Variants in SOX3 observed in about 807,000 individuals in gnomAD.
SOX3 encodes transcription factor SOX-3.
Under a neutral mutation model 4.6 loss-of-function variants are expected in SOX3, and 2 were observed. The ratio of observed to expected loss-of-function variants is 0.43; its 90% CI spans 0.18 to 1.36. The LOEUF is 1.36. Among genes scored for constraint, SOX3 ranks in the 40% most tolerant of loss-of-function variants. The pLI is 0.28. For synonymous variants in SOX3, 244 were observed against 215.9 expected (o/e 1.13, Z -1.14); for missense variants, 326 against 441.9 (o/e 0.74, Z 2.35).
Position 140,503,672 on chromosome X carries a change from AGTGGGGGTGGGG to A in SOX3, c.*36_*47del, listed in dbSNP as rs1569512242. 2 of 503,410 alleles carry A rather than the reference AGTGGGGGTGGGG, an allele frequency of 4.0e-6. No individual in the cohort carries two copies. The highest frequency in any genetic ancestry group is 5.0e-6 in the Non-Finnish European group (2 of 396,231). 41.5% of individuals were successfully genotyped at this position (503,410 alleles called of 1,213,427 possible). On this transcript the variant is annotated 3_prime_UTR_variant, in exon 1 of 1. Transcript: ENST00000370536. ...TCCCAACTTGGGGGTGCGGGGCGGGAGTGGGGGTGGGGGTGGGGAACAAGGGTGGACGAGCGC... is the reference window on the plus strand; with the variant it reads ...TCCCAACTTGGGGGTGCGGGGCGGGAGTGGGGAACAAGGGTGGACGAGCGC...
rs1927311169 is a variant in SOX3, at chrX:140,504,030, G to A, written c.1031C>T (p.Ala344Val). 1.0e-6 allele frequency: 1 copy of A among 966,284 alleles called. No individual in the cohort carries two copies. Among genetic ancestry groups the A allele is most frequent in the Non-Finnish European group, 1.3e-6 (1 of 774,167 alleles). 79.6% of individuals were successfully genotyped at this position (966,284 alleles called of 1,213,427 possible). A position where few individuals can be genotyped will look rare whatever the true frequency, so the allele number is the denominator to read the frequency against. Residue 344 changes from alanine to valine, a missense_variant, in exon 1 of 1, where the codon GCG (alanine) becomes GTG (valine). Transcript: ENST00000370536. The part of the protein sequence containing the change: ...GGMAPSATAA[A>V]AAAYGQQPAT... ...GGGCTGCTGCCCGTAGGCGGCGGCC[G>A]CGGCTGCTGTGGCTGAGGGCGCCAT...
chrX:140,504,881 C>T lies in SOX3; in HGVS notation c.180G>A (p.Ala60=), dbSNP rs2148334848. The change falls in exon 1 of 1, where the codon GCG becomes GCA. Residue 60 remains alanine (A), a synonymous_variant. Transcript: ENST00000370536. The part of the protein sequence containing the change: ...LFTVAAPAPG[A]PSPPATLAHL... The stretch of plus-strand genomic sequence containing the variant: ...GCGCCAGCGTGGCGGGAGGAGAAGG[C>T]GCTCCCGGGGCTGGAGCGGCCACGG... 8.5e-7 allele frequency: 1 copy of T among 1,171,606 alleles called. No homozygotes were observed.
Position 140,504,718 on chromosome X carries a change from C to A in SOX3, c.343G>T (p.Gly115Cys), listed in dbSNP as rs1927341343. 5 of 1,197,062 alleles carry A rather than the reference C, an allele frequency of 4.2e-6. No individual in the cohort carries two copies. In the South Asian group the frequency reaches 9.1e-5, roughly 22 times the overall value. Residue 115 changes from glycine to cysteine, a missense_variant, in exon 1 of 1, where the codon GGC (glycine) becomes TGC (cysteine). This residue lies in a region of SOX3 where 64 missense variants were observed against 83.8 expected (regional missense o/e 0.76). Transcript: ENST00000370536. ...CTGCCGCCGCCCGAGTTCGCGCCGC[C>A]GGCTGCGTTCGCACTACTCTTGCCT... The part of the protein sequence containing the change: ...GAGKSSANAA[G>C]GANSGGGSSG...
chrX:140,504,638 C>A lies in SOX3; in HGVS notation c.423G>T (p.Arg141=), dbSNP rs373594440. ...GGGTDQDRVK[R]PMNAFMVWSR... is the part of the protein sequence containing the mutation. ...ACCATACCATGAAGGCGTTCATGGG[C>A]CGTTTCACACGGTCCTGGTCTGTAC... is the stretch of plus-strand genomic sequence containing the variant. Residue 141 remains arginine (R), a synonymous_variant, in exon 1 of 1, where the codon CGG becomes CGT. Coordinates refer to ENST00000370536, the MANE Select transcript of SOX3 (RefSeq NM_005634.3). The A allele has an allele frequency of 8.3e-7, 1 of 1,211,901 alleles. No individual in the cohort carries two copies. The highest frequency in any genetic ancestry group is 2.2e-5 in the Admixed American group (1 of 46,137).
At position 140,504,198 on chromosome X, in the gene SOX3, C is replaced by T. The variant is rs1256052236; in HGVS notation, c.863G>A (p.Ser288Asn). ...QLGYAQPPSM[S>N]SPPPPPALPP... ...CAGCGCGGGCGGCGGCGGCGGGCTG[C>T]TCATGCTCGGGGGCTGCGCGTAGCC... Residue 288 changes from serine (S) to asparagine (N), a missense_variant, in exon 1 of 1, where the codon AGC (serine) becomes AAC (asparagine). By Grantham distance (46) the Ser-to-Asn change is conservative. Around this residue, in one of 6 missense-constraint regions of SOX3, gnomAD observed 78 missense variants for 70.3 expected, o/e 1.11. Transcript: ENST00000370536. 2.1e-5 allele frequency: 23 copies of T among 1,093,897 alleles called. No homozygotes were observed. The highest frequency in any genetic ancestry group is 2.7e-5 in the Non-Finnish European group (23 of 842,965). The allele number at this position is 1,093,897 out of a possible 1,213,427, so 90.1% of individuals were successfully genotyped here. A position where few individuals can be genotyped will look rare whatever the true frequency, so the allele number is the denominator to read the frequency against.
Position 140,504,937 on chromosome X carries a change from A to G in SOX3, c.124T>C (p.Ser42Pro). ...AGGCCCTGGGACTCCGTCGGAGCGG[A>G]GCTTGGGGGCCTGTGGGCCAGCGAG... ...PDSLAHRPPSSAPTESQGLFT... is the reference protein window; with the variant it reads ...PDSLAHRPPSPAPTESQGLFT... Residue 42 changes from serine to proline, a missense_variant, in exon 1 of 1, where the codon TCC becomes CCC. Physicochemically the swap from Ser to Pro is moderately conservative, Grantham distance 74 (BLOSUM62 -1). Transcript: ENST00000370536. The G allele has an allele frequency of 8.3e-7, 1 of 1,201,302 alleles. No individual in the cohort carries two copies. The highest frequency in any genetic ancestry group is 1.1e-6 in the Non-Finnish European group (1 of 890,813).
Position 140,504,086 on chromosome X carries a change from G to C in SOX3, c.975C>G (p.Ala325=). ...CGTAGCCCGAGGCGGCGGCGGCCGC[G>C]GCAGCGACGTTCATGTAGCTCTGAG... The part of the protein sequence containing the change: ...PGAQSYMNVA[A]AAAAASGYGG... The change falls in exon 1 of 1, where the codon GCC becomes GCG. Residue 325 remains alanine (A), a synonymous_variant. Coordinates refer to ENST00000370536, the MANE Select transcript of SOX3 (RefSeq NM_005634.3). The C allele has an allele frequency of 1.0e-6, 1 of 1,002,097 alleles. No homozygotes were observed. The highest frequency in any genetic ancestry group is 1.3e-6 in the Non-Finnish European group (1 of 792,604). 82.6% of individuals were successfully genotyped at this position (1,002,097 alleles called of 1,213,427 possible).
Position 140,503,774 on chromosome X carries a change from G to C in SOX3, c.1287C>G (p.His429Gln), listed in dbSNP as rs986377585. 1.9e-5 allele frequency: 22 copies of C among 1,171,837 alleles called. No homozygotes were observed. The highest frequency in any genetic ancestry group is 2.5e-5 in the Non-Finnish European group (22 of 880,907). Residue 429 changes from histidine (H) to glutamine (Q), a missense_variant, in exon 1 of 1, where the codon CAC becomes CAG. Physicochemically the swap from His to Gln is conservative, Grantham distance 24 (BLOSUM62 0). Transcript: ENST00000370536. Reference sequence around the variant, plus strand: ...TGACTGCAGTCCCGGCGCCCTGGTAGTGCTGGTGCACGCCGTGCAGGCGAC... The same window carrying C: ...TGACTGCAGTCCCGGCGCCCTGGTACTGCTGGTGCACGCCGTGCAGGCGAC... ...PGGRLHGVHQHYQGAGTAVNG... is the reference protein window; with the variant it reads ...PGGRLHGVHQQYQGAGTAVNG...
rs748467720 is a variant in SOX3 at position 140,504,323 on chromosome X, AGCGGCTGCGGCCGCGGCAGCG to A, written c.717_737del (p.Ala242_Ala248del). The A allele has an allele frequency of 2.8e-4, 292 of 1,045,128 alleles. 5 individuals carry two copies. The highest frequency in any genetic ancestry group is 7.2e-4 in the East Asian group (18 of 25,043). The allele number at this position is 1,045,128 out of a possible 1,213,427, so 86.1% of individuals were successfully genotyped here. A position where few individuals can be genotyped will look rare whatever the true frequency, so the allele number is the denominator to read the frequency against. ...CCACGCCCACCGGACTGCTGGCGGC[AGCGGCTGCGGCCGCGGCAGCG>A]GCGGCGGCGGCCGCGGCACCGGGAG... On this transcript the variant is annotated inframe_deletion, in exon 1 of 1. Coordinates refer to ENST00000370536, the MANE Select transcript of SOX3 (RefSeq NM_005634.3).
At position 140,504,171 on chromosome X, in the gene SOX3, G is replaced by T; in HGVS notation, c.890C>A (p.Pro297Gln). ...MSSPPPPPAL[P>Q]PMHRYDMAGL... ...GGCCATGTCGTAGCGGTGCATCGGCGGCAGCGCGGGCGGCGGCGGCGGGCT... is the reference window on the plus strand; with the variant it reads ...GGCCATGTCGTAGCGGTGCATCGGCTGCAGCGCGGGCGGCGGCGGCGGGCT... The change falls in exon 1 of 1, where the codon CCG becomes CAG. Residue 297 changes from proline to glutamine, a missense_variant. Coordinates refer to ENST00000370536, the MANE Select transcript of SOX3 (RefSeq NM_005634.3). 9.3e-7 allele frequency: 1 copy of T among 1,073,025 alleles called. No individual in the cohort carries two copies. Among genetic ancestry groups the T allele is most frequent in the Middle Eastern group, 2.6e-4 (1 of 3,891 alleles). The allele number at this position is 1,073,025 out of a possible 1,213,427, so 88.4% of individuals were successfully genotyped here.
chrX:140,504,167 C>G lies in SOX3; in HGVS notation c.894G>C (p.Pro298=). ...GGCCGGCCATGTCGTAGCGGTGCAT[C>G]GGCGGCAGCGCGGGCGGCGGCGGCG... The part of the protein sequence containing the change: ...SSPPPPPALP[P]MHRYDMAGLQ... Residue 298 remains proline (P), a synonymous_variant, in exon 1 of 1, where the codon CCG becomes CCC. Transcript: ENST00000370536. The G allele has an allele frequency of 1.9e-6, 2 of 1,074,218 alleles. No homozygotes were observed. Among genetic ancestry groups the G allele is most frequent in the Non-Finnish European group, 2.4e-6 (2 of 831,330 alleles). The allele number at this position is 1,074,218 out of a possible 1,213,427, so 88.5% of individuals were successfully genotyped here.
In SOX3 at chrX:140,504,927, G is replaced by A. The variant is rs1481053334; in HGVS notation, c.134C>T (p.Thr45Met). 5.9e-6 allele frequency: 7 copies of A among 1,195,379 alleles called. No homozygotes were observed. Among genetic ancestry groups the A allele is most frequent in the Non-Finnish European group, 7.9e-6 (7 of 888,174 alleles). ...LAHRPPSSAP[T>M]ESQGLFTVAA... Reference sequence around the variant, plus strand: ...CACGGTGAAAAGGCCCTGGGACTCCGTCGGAGCGGAGCTTGGGGGCCTGTG... The same window carrying A: ...CACGGTGAAAAGGCCCTGGGACTCCATCGGAGCGGAGCTTGGGGGCCTGTG... The change falls in exon 1 of 1, where the codon ACG becomes ATG. Residue 45 changes from threonine (T) to methionine (M), a missense_variant. This residue lies in a region of SOX3 where 56 missense variants were observed against 43.3 expected (regional missense o/e 1.29). Coordinates refer to ENST00000370536, the MANE Select transcript of SOX3 (RefSeq NM_005634.3).
chrX:140,504,051 G>A lies in SOX3; in HGVS notation c.1010C>T (p.Ala337Val). 1.0e-6 allele frequency: 1 copy of A among 969,094 alleles called. No homozygotes were observed. The highest frequency in any genetic ancestry group is 1.3e-6 in the Non-Finnish European group (1 of 775,378). The allele number at this position is 969,094 out of a possible 1,213,427, so 79.9% of individuals were successfully genotyped here. Residue 337 changes from alanine to valine, a missense_variant, in exon 1 of 1, where the codon GCG (alanine) becomes GTG (valine). Physicochemically the swap from Ala to Val is moderately conservative, Grantham distance 64. This residue lies in a region of SOX3 where 78 missense variants were observed against 70.3 expected (regional missense o/e 1.11). Coordinates refer to ENST00000370536, the MANE Select transcript of SOX3 (RefSeq NM_005634.3). ...AAAASGYGGM[A>V]PSATAAAAAA... The stretch of plus-strand genomic sequence containing the variant: ...GGCCGCGGCTGCTGTGGCTGAGGGC[G>A]CCATGCCCCCGTAGCCCGAGGCGGC...
chrX:140,505,055 T>C lies in SOX3; in HGVS notation c.6A>G (p.Arg2=). The C allele has an allele frequency of 8.3e-7, 1 of 1,204,620 alleles. No individual in the cohort carries two copies. The highest frequency in any genetic ancestry group is 1.1e-6 in the Non-Finnish European group (1 of 892,403). ...CACCTGATGAGTTCTCTCGAACAGG[T>C]CGCATTCACAGTCTGCCTGGGCTCT... M[R]PVRENSSGAR... The change falls in exon 1 of 1, where the codon CGA becomes CGG. Residue 2 remains arginine (R), a synonymous_variant. Coordinates refer to ENST00000370536, the MANE Select transcript of SOX3 (RefSeq NM_005634.3).
chrX:140,503,355 T>C lies in SOX3; in HGVS notation c.*365A>G. The C allele has an allele frequency of 6.7e-6, 1 of 149,058 alleles. No homozygotes were observed. Among genetic ancestry groups the C allele is most frequent in the South Asian group, 2.6e-4 (1 of 3,856 alleles). 12.3% of individuals were successfully genotyped at this position (149,058 alleles called of 1,213,427 possible). On this transcript the variant is annotated 3_prime_UTR_variant, in exon 1 of 1. Coordinates refer to ENST00000370536, the MANE Select transcript of SOX3 (RefSeq NM_005634.3). ...ATACTATGTTTCTCCCATTCACTCC[T>C]TGGCTAACTGCAAACTAACAAGACA...
Position 140,504,538 on chromosome X carries a change from C to T in SOX3, c.523G>A (p.Ala175Thr), listed in dbSNP as rs1374307659. The T allele has an allele frequency of 1.6e-6, 2 of 1,212,174 alleles. No homozygotes were observed. The change falls in exon 1 of 1, where the codon GCC becomes ACC. Residue 175 changes from alanine (A) to threonine (T), a missense_variant. Ala to Thr is a moderately conservative substitution (Grantham distance 58). Coordinates refer to ENST00000370536, the MANE Select transcript of SOX3 (RefSeq NM_005634.3). ...HNSEISKRLGADWKLLTDAEK... is the reference protein window; with the variant it reads ...HNSEISKRLGTDWKLLTDAEK... Reference sequence around the variant, plus strand: ...GCGTCGGTCAGCAGTTTCCAGTCGGCGCCCAAGCGCTTGCTGATCTCAGAA... The same window carrying T: ...GCGTCGGTCAGCAGTTTCCAGTCGGTGCCCAAGCGCTTGCTGATCTCAGAA...
At position 140,503,533 on chromosome X, in the gene SOX3, G is replaced by A; in HGVS notation, c.*187C>T. The A allele has an allele frequency of 4.6e-6, 2 of 437,577 alleles. No homozygotes were observed. Among genetic ancestry groups the A allele is most frequent in the Admixed American group, 4.1e-5 (1 of 24,135 alleles). The allele number at this position is 437,577 out of a possible 1,213,427, so 36.1% of individuals were successfully genotyped here. A position where few individuals can be genotyped will look rare whatever the true frequency, so the allele number is the denominator to read the frequency against. ...GCTCTCTAGAAGTCCCATTTTCGCT[G>A]CTCCTGACTTATTTTTGCTTTTGTA... On this transcript the variant is annotated 3_prime_UTR_variant, in exon 1 of 1. Transcript: ENST00000370536.
In SOX3 at chrX:140,504,264, C is replaced by T. The variant is rs1314115137; in HGVS notation, c.797G>A (p.Gly266Asp). The T allele has an allele frequency of 9.0e-7, 1 of 1,115,145 alleles. No individual in the cohort carries two copies. Among genetic ancestry groups the T allele is most frequent in the Non-Finnish European group, 1.2e-6 (1 of 850,757 alleles). 91.9% of individuals were successfully genotyped at this position (1,115,145 alleles called of 1,213,427 possible). Residue 266 changes from glycine (G) to aspartate (D), a missense_variant, in exon 1 of 1, where the codon GGC becomes GAC. Physicochemically the swap from Gly to Asp is moderately conservative, Grantham distance 94. Transcript: ENST00000370536. ...CAGCGAGTACGCGCCGTTGGCCCAG[C>T]CGTTCACGTGCGTGTACGTGTCCAG... ...QRLDTYTHVNGWANGAYSLVQ... is the reference protein window; with the variant it reads ...QRLDTYTHVNDWANGAYSLVQ...
At position 140,504,815 on chromosome X, in the gene SOX3, A is replaced by T; in HGVS notation, c.246T>A (p.Thr82=). The change falls in exon 1 of 1, where the codon ACT becomes ACA. Residue 82 remains threonine (T), a synonymous_variant. Transcript: ENST00000370536. ...GTGTCCCTACGGGGTTCTTGAGTTC[A>T]GTCTCCAGAAGGCTGTACATTGCCG... The part of the protein sequence containing the change: ...PAPAMYSLLE[T]ELKNPVGTPT... The T allele has an allele frequency of 8.6e-7, 1 of 1,168,476 alleles. No homozygotes were observed. Among genetic ancestry groups the T allele is most frequent in the Non-Finnish European group, 1.1e-6 (1 of 874,221 alleles).
Sources: allele counts gnomAD v4.1 joint callset, GRCh38; gene constraint gnomAD v4.1.1; regional missense constraint gnomAD v4.1.1; transcripts MANE v1.5; gene names NCBI Gene and HGNC (gene_info 2026-07-23, HGNC 2026-07-21).